GSDMD: variants seen among roughly 807,000 people sequenced by gnomAD.
GSDMD encodes gasdermin-D.
In GSDMD, 46 loss-of-function variants were observed where a neutral mutation model predicts 46.7. The observed-to-expected ratio is 0.99, with a 90% confidence interval of 0.78 to 1.26. The LOEUF is 1.26. GSDMD is among the 50% of genes most tolerant of loss of function. The pLI is 0.00. For missense variants in GSDMD, 649 were observed against 638.8 expected (o/e 1.02, Z -0.17); for synonymous variants, 307 against 283.1 (o/e 1.08, Z -0.85).
intron 3 of GSDMD, 116 bp downstream of exon 3, chr8:143,560,085 G>A (rs1443938767): frequency 9.5e-7 from 1 of 1,047,398 alleles, no homozygotes; most frequent in East Asian, 2.6e-5. Context: ...TCTCGGCCAG[G>A]GTGGTCTTGA....
upstream of GSDMD, chr8:143,558,179 C>G: frequency 1.3e-6 from 1 of 755,858 alleles, no homozygotes; most frequent in Non-Finnish European, 2.0e-6. Context: ...CCACAAAGTG[C>G]TATGAAGTTT....
chr8:143,560,754 G>T lies in GSDMD; in HGVS notation c.562G>T (p.Gly188Ter). The change falls in exon 4 of 11, where the codon GGA (glycine) becomes TGA (stop). Residue 188 changes from glycine to a stop codon, truncating the protein, a stop_gained. Transcript: ENST00000262580. LOFTEE classifies it high-confidence loss of function. Reference protein sequence around the residue: ...REGSGRFSLPGATCLQGEGQG... With the variant: ...REGSGRFSLP ...GGGCTCGGGCCGGTTTTCCCTGCCC[G>T]GAGCCACGTGCTTGCAGGTGTGTAG... The T allele has an allele frequency of 6.4e-7, 1 of 1,550,538 alleles. No homozygotes were observed. The highest frequency in any genetic ancestry group is 8.7e-7 in the Non-Finnish European group (1 of 1,147,226).
In GSDMD at chr8:143,561,792, C is replaced by A; in HGVS notation, c.787C>A (p.Leu263Ile). 3 of 1,610,844 alleles carry A rather than the reference C, an allele frequency of 1.9e-6. No homozygotes were observed. The highest frequency in any genetic ancestry group is 2.5e-6 in the Non-Finnish European group (3 of 1,178,966). The stretch of plus-strand genomic sequence containing the variant: ...CGCCTGGCCACAGCTGCCCTCTGGC[C>A]TCTCCATGATGAGGTGCCTCCACAA... The part of the protein sequence containing the change: ...EGAWPQLPSG[L>I]SMMRCLHNFL... Residue 263 changes from leucine to isoleucine, a missense_variant, in exon 7 of 11, where the codon CTC (leucine) becomes ATC (isoleucine). Leu to Ile is a conservative substitution (Grantham distance 5). Coordinates refer to ENST00000262580, the MANE Select transcript of GSDMD (RefSeq NM_024736.7).
At chr8:143,555,779 C>G (rs1206011036), upstream of GSDMD, among the ~76,000 whole-genome samples, 1 of 152,240 alleles carries the variant, frequency 6.6e-6, no homozygotes, top group Non-Finnish European at 1.5e-5. Context: ...GTCTGCAAAA[C>G]AGTACCCAAG....
At chr8:143,560,223 C>T (rs1823419007) in intron 3 of GSDMD, 1 of 692,752 alleles carries the variant, frequency 1.4e-6, no homozygotes, top group East Asian at 2.8e-5. Flanking sequence ...AGGAAAGTCC[C>T]AGAGGCAAAA....
upstream of GSDMD, among the ~76,000 whole-genome samples, chr8:143,557,103 G>A (rs780282285): frequency 2.0e-5 from 3 of 152,256 alleles, no homozygotes; most frequent in South Asian, 2.1e-4. Flanking sequence ...CGTCCGCTCC[G>A]TGTGCCTGGC....
intron 1 of GSDMD, chr8:143,558,922 G>A (rs561992135): frequency 9.3e-6 from 5 of 535,922 alleles, no homozygotes; most frequent in Non-Finnish European, 7.1e-6. Context: ...GGGGTGGGGC[G>A]ACACTCTGGC....
At position 143,562,849 on chromosome 8, in the gene GSDMD, G is replaced by T. The variant is rs759686259; in HGVS notation, c.1400G>T (p.Cys467Phe). The T allele has an allele frequency of 4.3e-6, 7 of 1,612,418 alleles. No homozygotes were observed. In the South Asian group the frequency reaches 6.6e-5, roughly 15 times the overall value. Residue 467 changes from cysteine to phenylalanine, a missense_variant, in exon 11 of 11, where the codon TGT (cysteine) becomes TTT (phenylalanine). Physicochemically the swap from Cys to Phe is radical, Grantham distance 205 (BLOSUM62 -2). Transcript: ENST00000262580. ...GAGCCGCAGGCCCAGGGCCGCATGTGTGCACTCTACGCCTCCCTGGCACTG... is the reference window on the plus strand; with the variant it reads ...GAGCCGCAGGCCCAGGGCCGCATGTTTGCACTCTACGCCTCCCTGGCACTG... ...CWEPQAQGRM[C>F]ALYASLALLS...
At chr8:143,555,616 G>A (rs961944185), upstream of GSDMD, among the ~76,000 whole-genome samples, 30 of 152,314 alleles carry the variant, frequency 2.0e-4, no homozygotes, top group African/African-American at 6.0e-4. Context: ...CTCAGCACGT[G>A]CTGGCCCTGT....
upstream of GSDMD, among the ~76,000 whole-genome samples, chr8:143,557,011 C>T (rs1054447926): frequency 3.3e-4 from 50 of 152,276 alleles, no homozygotes; most frequent in African/African-American, 4.8e-4. Context: ...TCCCAACCCC[C>T]GTCCCGGGCA....
chr8:143,559,290 C>A, intron 1 of GSDMD, 42 bp from the exon 2 acceptor site: 2 of 723,846 alleles, frequency 2.8e-6, no homozygotes, highest in South Asian at 3.2e-5. Context: ...TCCCTCCCGC[C>A]CGCCCCGAGA....
intron 1 of GSDMD, 132 bp from the exon 2 acceptor site, chr8:143,559,199 CA>C: frequency 1.6e-6 from 1 of 637,138 alleles, no homozygotes; most frequent in East Asian, 2.7e-5. Flanking sequence ...GGGAGCATCC[CA>C]GGATGAGCTG....
Position 143,562,651 on chromosome 8 carries a change from T to C in GSDMD, c.1213-11T>C, listed in dbSNP as rs777546156. ...TTCCCCATCTGACTCACTCCTGCCC[T>C]GTCTTGGCAGGTGGGCAGCCTCTTG... is the stretch of plus-strand genomic sequence containing the variant. On this transcript the variant is annotated splice_polypyrimidine_tract_variant and intron_variant, in intron 10 of 10. Coordinates refer to ENST00000262580, the MANE Select transcript of GSDMD (RefSeq NM_024736.7). The C allele has an allele frequency of 6.2e-7, 1 of 1,606,164 alleles. No homozygotes were observed. The highest frequency in any genetic ancestry group is 1.1e-5 in the South Asian group (1 of 90,298).
upstream of GSDMD, among the ~76,000 whole-genome samples, chr8:143,554,714 G>C (rs1198448110): frequency 7.0e-6 from 1 of 142,756 alleles, no homozygotes. Context: ...CATACAAACA[G>C]GCACACAACA....
intron 1 of GSDMD, chr8:143,558,989 G>A (rs573552052): frequency 6.6e-5 from 35 of 534,262 alleles, no homozygotes; most frequent in South Asian, 5.0e-4. Context: ...GTGGGTCCCT[G>A]CACCACGCTC....
Position 143,560,731 on chromosome 8 carries a change from G to C in GSDMD, c.539G>C (p.Gly180Ala), listed in dbSNP as rs773652242. ...GTCACGCGCACCCACAAGCGGGAGG[G>C]CTCGGGCCGGTTTTCCCTGCCCGGA... The part of the protein sequence containing the change: ...VEVTRTHKRE[G>A]SGRFSLPGAT... Residue 180 changes from glycine (G) to alanine (A), a missense_variant, in exon 4 of 11, where the codon GGC becomes GCC. Transcript: ENST00000262580. The C allele has an allele frequency of 6.4e-7, 1 of 1,565,074 alleles. No individual in the cohort carries two copies. Among genetic ancestry groups the C allele is most frequent in the South Asian group, 1.2e-5 (1 of 85,432 alleles).
chr8:143,561,430 G>A lies in GSDMD; in HGVS notation c.736+7G>A, dbSNP rs1457867261. The A allele has an allele frequency of 6.2e-7, 1 of 1,610,898 alleles. No homozygotes were observed. The highest frequency in any genetic ancestry group is 8.5e-7 in the Non-Finnish European group (1 of 1,179,276). On this transcript the variant is annotated splice_region_variant and intron_variant, in intron 6 of 10. Transcript: ENST00000262580. ...TTCCAGCCACCCGCGACAGGTGAGAGCCGAGAGCCCCCAGCATGGGGTGTC... is the reference window on the plus strand; with the variant it reads ...TTCCAGCCACCCGCGACAGGTGAGAACCGAGAGCCCCCAGCATGGGGTGTC...
At chr8:143,555,129 A>G (rs1823278155), upstream of GSDMD, 1 of 152,270 alleles carries the variant, frequency 6.6e-6, no homozygotes, top group African/African-American at 2.4e-5. Flanking sequence ...CCTCAGACCT[A>G]CCAGGGCAGA....
intron 7 of GSDMD, 45 bp downstream of exon 7, chr8:143,561,873 C>T (rs376427544): frequency 9.3e-6 from 15 of 1,609,292 alleles, no homozygotes; most frequent in Non-Finnish European, 1.2e-5. Context: ...GTGGGCTCTC[C>T]TGCCCCCTGG....
Sources: allele counts gnomAD v4.1 joint callset (sites outside exome capture counted in the v4.1 genomes callset), GRCh38; gene constraint gnomAD v4.1.1; transcripts MANE v1.5; gene names NCBI Gene and HGNC (gene_info 2026-07-23, HGNC 2026-07-21).